Variants in RUNX1 observed in about 807,000 individuals in gnomAD.
RUNX1 encodes RUNX family transcription factor 1.
In RUNX1, 19 loss-of-function variants were observed where a neutral mutation model predicts 42.8. The ratio of observed to expected loss-of-function variants is 0.44; its 90% CI spans 0.31 to 0.65. The LOEUF (loss-of-function observed/expected upper bound fraction) is 0.65, where lower values mean the gene tolerates loss of function less well. RUNX1 is among the 30% of genes least tolerant of loss of function. The pLI is 0.07. For synonymous variants in RUNX1, 271 were observed against 289.4 expected (o/e 0.94, Z 0.64); for missense variants, 528 against 672.0 (o/e 0.79, Z 2.37).
intron 7 of RUNX1, among the ~76,000 whole-genome samples, chr21:34,800,596 G>C (rs1315714865): frequency 6.6e-6 from 1 of 152,146 alleles, no homozygotes; most frequent in Non-Finnish European, 1.5e-5. Context: ...AGCTATTTCT[G>C]CTCATTATAA....
At chr21:34,978,951 C>CACACAT (rs2058825145) in intron 2 of RUNX1, among the ~76,000 whole-genome samples, 1 of 151,012 alleles carries the variant, frequency 6.6e-6, no homozygotes, top group African/African-American at 2.4e-5. Context: ...CACACACACA[C>CACACAT]ACACACACAC....
At chr21:34,798,831 G>A (rs1601346894) in intron 8 of RUNX1, among the ~76,000 whole-genome samples, 1 of 151,848 alleles carries the variant, frequency 6.6e-6, no homozygotes, top group African/African-American at 2.4e-5. Flanking sequence ...GTATCCATGG[G>A]GGGTCCTGGA....
At chr21:34,796,167 T>A (rs1249801571) in intron 8 of RUNX1, among the ~76,000 whole-genome samples, 1 of 152,228 alleles carries the variant, frequency 6.6e-6, no homozygotes, top group Non-Finnish European at 1.5e-5. Context: ...GGAAAATAGT[T>A]CTTTCACTTG....
Position 34,843,530 on chromosome 21 carries a change from A to T in RUNX1, c.614-8929T>A, listed in dbSNP as rs1385689405. On this transcript the variant is annotated intron_variant, in intron 6 of 8. Transcript: ENST00000675419. The surrounding 1 kb of genome is among the most constrained non-coding windows in gnomAD (Gnocchi z 4.8). ...CATCCATACATCCACTCACACACAC[A>T]CACCGTTCTGTGATCGCCCTCAGGA... 1.3e-5 allele frequency among the ~76,000 whole-genome samples: 2 copies of T among 152,128 alleles called. No homozygotes were observed. Among genetic ancestry groups the T allele is most frequent in the African/African-American group, 2.4e-5 (1 of 41,414 alleles).
intron 2 of RUNX1, among the ~76,000 whole-genome samples, chr21:34,896,804 C>T (rs1294560224): frequency 6.6e-6 from 1 of 152,182 alleles, no homozygotes; most frequent in Non-Finnish European, 1.5e-5. Flanking sequence ...CTGGATTTGT[C>T]TACAGAGAGT....
intron 2 of RUNX1, among the ~76,000 whole-genome samples, chr21:34,996,391 T>G (rs2058996121): frequency 6.6e-6 from 1 of 151,948 alleles, no homozygotes; most frequent in South Asian, 2.1e-4. Flanking sequence ...GGCTGGGAAC[T>G]GGGGGCTGGG....
intron 2 of RUNX1, among the ~76,000 whole-genome samples, chr21:34,950,817 C>T (rs1451787531): frequency 1.3e-5 from 2 of 152,158 alleles, no homozygotes; most frequent in African/African-American, 2.4e-5. Context: ...CTGTGGATGG[C>T]CCCCCAAGAT....
chr21:34,888,945 G>A (rs1323928645), intron 3 of RUNX1, among the ~76,000 whole-genome samples: 1 of 151,502 alleles, frequency 6.6e-6, no homozygotes, highest in East Asian at 1.9e-4. Flanking sequence ...CTGCATGCTG[G>A]CCCGGGGCCC....
intron 2 of RUNX1, among the ~76,000 whole-genome samples, chr21:34,958,531 A>G (rs1300157001): frequency 6.6e-6 from 1 of 152,242 alleles, no homozygotes; most frequent in African/African-American, 2.4e-5. Flanking sequence ...AATGGCGATC[A>G]TTCAAAAGTC....
At chr21:34,931,821 G>A (rs2146598520) in intron 2 of RUNX1, among the ~76,000 whole-genome samples, 1 of 152,158 alleles carries the variant, frequency 6.6e-6, no homozygotes, top group East Asian at 1.9e-4. Flanking sequence ...AATGAAGCTT[G>A]TGGAGGGGAC....
chr21:34,893,369 T>A (rs1048941526), intron 2 of RUNX1, among the ~76,000 whole-genome samples: 2 of 152,198 alleles, frequency 1.3e-5, no homozygotes, highest in African/African-American at 4.8e-5. Flanking sequence ...TTACTTCCAA[T>A]GATAGGACAT....
chr21:34,877,053 G>A (rs1237721059), intron 5 of RUNX1, among the ~76,000 whole-genome samples: 11 of 152,006 alleles, frequency 7.2e-5, no homozygotes, highest in Non-Finnish European at 1.5e-5. Flanking sequence ...AGATGGCGGT[G>A]TCACCATGTT....
chr21:34,837,456 G>A (rs1333103760), intron 6 of RUNX1, among the ~76,000 whole-genome samples: 1 of 152,168 alleles, frequency 6.6e-6, no homozygotes, highest in Non-Finnish European at 1.5e-5. Context: ...CTTACTTTCT[G>A]AAACCATCAG....
intron 4 of RUNX1, among the ~76,000 whole-genome samples, chr21:34,885,642 T>A (rs1255113358): frequency 1.3e-5 from 2 of 152,220 alleles, no homozygotes; most frequent in Non-Finnish European, 2.9e-5. Flanking sequence ...AATACTTTTT[T>A]AAAAAGTGAA....
chr21:35,014,227 A>G (rs2059144212), intron 2 of RUNX1, among the ~76,000 whole-genome samples: 1 of 152,218 alleles, frequency 6.6e-6, no homozygotes, highest in Admixed American at 6.5e-5. Flanking sequence ...GGATTTTTTA[A>G]GGAAATGGAC....
At chr21:34,932,545 A>G (rs1452925246) in intron 2 of RUNX1, among the ~76,000 whole-genome samples, 1 of 152,190 alleles carries the variant, frequency 6.6e-6, no homozygotes, top group Non-Finnish European at 1.5e-5. Flanking sequence ...TTACCTATGT[A>G]AAACAGTTAC....
At chr21:34,993,752 C>G (rs1411280914) in intron 2 of RUNX1, among the ~76,000 whole-genome samples, 3 of 134,244 alleles carry the variant, frequency 2.2e-5, no homozygotes, top group Non-Finnish European at 4.5e-5. Flanking sequence ...GACACACACA[C>G]AGACACACAC....
chr21:34,942,262 C>A (rs2058532868), intron 2 of RUNX1, among the ~76,000 whole-genome samples: 1 of 151,724 alleles, frequency 6.6e-6, no homozygotes, highest in South Asian at 2.1e-4. Flanking sequence ...TTTTAAATTG[C>A]AGTTTTCCAA....
chr21:35,037,117 A>C (rs1248372095), intron 2 of RUNX1, among the ~76,000 whole-genome samples: 1 of 152,174 alleles, frequency 6.6e-6, no homozygotes, highest in African/African-American at 2.4e-5. Context: ...GTGTCGCCTT[A>C]AGTTTGTCAC....
Sources: allele counts gnomAD v4.1 joint callset (sites outside exome capture counted in the v4.1 genomes callset), GRCh38; gene constraint gnomAD v4.1.1; non-coding constraint Gnocchi (gnomAD v3.1); transcripts MANE v1.5; gene names NCBI Gene and HGNC (gene_info 2026-07-23, HGNC 2026-07-21).